VIPR2: variants seen among roughly 807,000 people sequenced by gnomAD.
VIPR2 encodes vasoactive intestinal polypeptide receptor 2.
A neutral mutation model predicts 58.0 loss-of-function variants in VIPR2; 48 were observed. The observed-to-expected ratio is 0.83, with a 90% CI of 0.66 to 1.05. The LOEUF (loss-of-function observed/expected upper bound fraction) is 1.05, where lower values mean the gene tolerates loss of function less well. Ranked by LOEUF, VIPR2 falls within the 50% of genes least tolerant of loss-of-function variation. The pLI, the probability that VIPR2 is intolerant of heterozygous loss-of-function variation, is 0.00. For synonymous variants in VIPR2, 243 were observed against 235.2 expected (o/e 1.03, Z -0.30); for missense variants, 534 against 558.0 (o/e 0.96, Z 0.43).
intron 1 of VIPR2, chr7:159,144,153 A>T: frequency 1.4e-6 from 1 of 693,480 alleles, no homozygotes; most frequent in Non-Finnish European, 2.0e-6. Flanking sequence ...TCACAGAGGG[A>T]ATAATTCAGA....
rs189402656 is a variant in VIPR2, at chr7:159,069,425, G to A, written c.358-10847C>T. On this transcript the variant is annotated intron_variant, in intron 4 of 12. Transcript: ENST00000262178. ...ATGCACCTGCTGCACTCCTCCTCACGTGTGCGGAATCCATCTCTTGTCTCC... is the reference window on the plus strand; with the variant it reads ...ATGCACCTGCTGCACTCCTCCTCACATGTGCGGAATCCATCTCTTGTCTCC... 3.9e-5 allele frequency among the ~76,000 whole-genome samples: 6 copies of A among 152,296 alleles called. No homozygotes were observed. The East Asian group carries it at 1.2e-3, about 29-fold the overall frequency.
intron 4 of VIPR2, 110 bp from the exon 5 acceptor site, chr7:159,058,688 G>T: frequency 3.8e-6 from 3 of 792,630 alleles, no homozygotes; most frequent in Non-Finnish European, 6.2e-6. Flanking sequence ...ACTCTTGCCT[G>T]CCTGGAAGGC....
chr7:159,128,465 C>T lies in VIPR2; in HGVS notation c.151+13981G>A, dbSNP rs1796737958. 6.6e-6 allele frequency among the ~76,000 whole-genome samples: 1 copy of T among 152,202 alleles called. No individual in the cohort carries two copies. The highest frequency in any genetic ancestry group is 2.1e-4 in the South Asian group (1 of 4,830). On this transcript the variant is annotated intron_variant, in intron 2 of 12. Transcript: ENST00000262178. This position sits in a 1 kb window ranked among gnomAD's most constrained non-coding sequence, Gnocchi z 4.1. ...CCTCTGGGCCCCCCTGGCCACTCCC[C>T]TCCTGCCTTGGGCCTCCCACCTGTG...
chr7:159,112,397 G>A (rs375146144), intron 2 of VIPR2, among the ~76,000 whole-genome samples: 1 of 152,366 alleles, frequency 6.6e-6, no homozygotes, highest in East Asian at 1.9e-4. Flanking sequence ...GGTCGCACAC[G>A]TGGCACTGGC....
chr7:159,082,900 G>A (rs1167487966), intron 4 of VIPR2, among the ~76,000 whole-genome samples: 2 of 152,206 alleles, frequency 1.3e-5, no homozygotes, highest in East Asian at 1.9e-4. Flanking sequence ...ATGGGTCACC[G>A]AATGTGTGAT....
In VIPR2 at chr7:159,096,896, C is replaced by T. The variant is rs1316859481; in HGVS notation, c.357+6861G>A. ...GACCACCCTCTCTGTGGCCGCCTTGCTGTCCCCGTTCCCATCACTCGATGA... is the reference window on the plus strand; with the variant it reads ...GACCACCCTCTCTGTGGCCGCCTTGTTGTCCCCGTTCCCATCACTCGATGA... On this transcript the variant is annotated intron_variant, in intron 4 of 12. Transcript: ENST00000262178. The surrounding 1 kb of genome is among the most constrained non-coding windows in gnomAD (Gnocchi z 5.5). 6.5e-7 allele frequency: 1 copy of T among 1,549,876 alleles called. No individual in the cohort carries two copies. The highest frequency in any genetic ancestry group is 8.7e-7 in the Non-Finnish European group (1 of 1,146,586).
At chr7:159,049,811 C>T (rs1168838288) in intron 5 of VIPR2, among the ~76,000 whole-genome samples, 1 of 152,166 alleles carries the variant, frequency 6.6e-6, no homozygotes, top group African/African-American at 2.4e-5. Context: ...ATAGCTGTGG[C>T]CCAGAGTAAC....
chr7:159,062,550 A>G (rs1350572709), intron 4 of VIPR2, among the ~76,000 whole-genome samples: 2 of 151,556 alleles, frequency 1.3e-5, no homozygotes, highest in Non-Finnish European at 2.9e-5. Flanking sequence ...CCTCCCGCCC[A>G]GAGTTACTTA....
intron 6 of VIPR2, among the ~76,000 whole-genome samples, chr7:159,037,974 A>AT (rs1256266964): frequency 4.6e-5 from 7 of 152,224 alleles, no homozygotes; most frequent in Non-Finnish European, 5.9e-5. Context: ...ATATACTTAC[A>AT]TATGTATGGG....
chr7:159,100,079 G>T lies in VIPR2; in HGVS notation c.357+3678C>A, dbSNP rs116240698. On this transcript the variant is annotated intron_variant, in intron 4 of 12. Coordinates refer to ENST00000262178, the MANE Select transcript of VIPR2 (RefSeq NM_003382.5). ...ATGGGGGACAGCGCATCTTAGACGG[G>T]CCCACAGGTCAATGTGGTCCCCAGC... Among the ~76,000 whole-genome samples, 608 of 152,240 alleles carry T rather than the reference G, an allele frequency of 4.0e-3. 6 individuals are homozygous for T. Among genetic ancestry groups the T allele is most frequent in the African/African-American group, 0.014 (581 of 41,546 alleles).
chr7:159,060,792 C>A (rs528377782), intron 4 of VIPR2, among the ~76,000 whole-genome samples: 64 of 152,348 alleles, frequency 4.2e-4, no homozygotes, highest in African/African-American at 1.5e-3. Context: ...CTAACAGCCA[C>A]CCTCACATCA....
intron 4 of VIPR2, among the ~76,000 whole-genome samples, chr7:159,094,013 T>C (rs1857669855): frequency 6.6e-6 from 1 of 152,222 alleles, no homozygotes; most frequent in Non-Finnish European, 1.5e-5. Flanking sequence ...AAAGTCTGCC[T>C]TGACCTCTCA....
intron 2 of VIPR2, among the ~76,000 whole-genome samples, chr7:159,130,047 C>T (rs1485193591): frequency 6.6e-6 from 1 of 152,050 alleles, no homozygotes; most frequent in Admixed American, 6.5e-5. Context: ...AGGTGACCAG[C>T]TTCACACTCT....
intron 4 of VIPR2, among the ~76,000 whole-genome samples, chr7:159,088,289 G>C (rs768839638): frequency 6.6e-6 from 1 of 152,126 alleles, no homozygotes; most frequent in East Asian, 1.9e-4. Context: ...CAGTACACCT[G>C]AACACCCGCA....
In VIPR2 at chr7:159,143,688, G is replaced by A. The variant is rs145568963; in HGVS notation, c.51+1033C>T. 3.8e-3 allele frequency among the ~76,000 whole-genome samples: 583 copies of A among 152,286 alleles called. 12 individuals carry two copies. The highest frequency in any genetic ancestry group is 0.033 in the Admixed American group (511 of 15,304). Reference sequence around the variant, plus strand: ...AAGTGGCTTAAATTTCAGAATTAAGGAAATTATATTGATGTAAAAAGAAAA... The same window carrying A: ...AAGTGGCTTAAATTTCAGAATTAAGAAAATTATATTGATGTAAAAAGAAAA... On this transcript the variant is annotated intron_variant, in intron 1 of 12. Coordinates refer to ENST00000262178, the MANE Select transcript of VIPR2 (RefSeq NM_003382.5).
chr7:159,032,693 C>T (rs894646802), intron 10 of VIPR2, among the ~76,000 whole-genome samples: 7 of 152,132 alleles, frequency 4.6e-5, no homozygotes, highest in South Asian at 4.1e-4. Context: ...GAAAGGACCT[C>T]GTGTGGCCTC....
intron 5 of VIPR2, among the ~76,000 whole-genome samples, chr7:159,044,983 C>A (rs1854559990): frequency 6.6e-6 from 1 of 152,158 alleles, no homozygotes; most frequent in Non-Finnish European, 1.5e-5. Flanking sequence ...GTTGGCTAGG[C>A]TGATCTCAAA....
In VIPR2 at chr7:159,097,001, C is replaced by CTGCT; in HGVS notation, c.357+6752_357+6755dup. The CTGCT allele has an allele frequency of 6.4e-7, 1 of 1,550,598 alleles. No individual in the cohort carries two copies. Among genetic ancestry groups the CTGCT allele is most frequent in the Non-Finnish European group, 8.7e-7 (1 of 1,146,984 alleles). ...TGAGGGGAGGCTTCCTTCAGAAAAG[C>CTGCT]TGCTGCTCTCAGAGGTGATTTGGGG... On this transcript the variant is annotated intron_variant, in intron 4 of 12. Transcript: ENST00000262178. This position sits in a 1 kb window ranked among gnomAD's most constrained non-coding sequence, Gnocchi z 5.3.
chr7:159,043,020 T>C lies in VIPR2; in HGVS notation c.597+15A>G. On this transcript the variant is annotated intron_variant, in intron 6 of 12. Transcript: ENST00000262178. ...GGGACAAGACAGTGGGACCCTGTGG[T>C]GGGGACAGCCTTACCCAGGAGGATG... 5 of 1,612,474 alleles carry C rather than the reference T, an allele frequency of 3.1e-6. No homozygotes were observed. The highest frequency in any genetic ancestry group is 4.2e-6 in the Non-Finnish European group (5 of 1,179,084).
Sources: gnomAD v4.1 joint callset for allele counts (sites outside exome capture counted in the v4.1 genomes callset) on GRCh38, gnomAD v4.1.1 for gene constraint, Gnocchi (gnomAD v3.1) non-coding constraint, MANE v1.5 for transcripts, NCBI Gene and HGNC (gene_info 2026-07-23, HGNC 2026-07-21) for gene names.